Variants in MAP2K6 observed in about 807,000 individuals in gnomAD.
The protein encoded by MAP2K6 is dual specificity mitogen-activated protein kinase kinase 6.
Under a neutral mutation model 53.7 loss-of-function variants are expected in MAP2K6, and 16 were observed. That is an observed-to-expected ratio of 0.30 (90% CI 0.20 to 0.45). The LOEUF (loss-of-function observed/expected upper bound fraction) is 0.45, where lower values mean the gene tolerates loss of function less well. Among genes scored for constraint, MAP2K6 ranks in the 20% least tolerant of loss-of-function variants. MAP2K6 has a pLI of 1.00. For missense variants in MAP2K6, 204 were observed against 411.9 expected, an observed-to-expected ratio of 0.50 and a Z score of 4.37; for synonymous variants, 132 against 143.1, an observed-to-expected ratio of 0.92 and a Z score of 0.55.
At chr17:69,426,201 T>C (rs1906271947) in intron 1 of MAP2K6, among the ~76,000 whole-genome samples, 1 of 152,248 alleles carries the variant, frequency 6.6e-6, no homozygotes, top group Non-Finnish European at 1.5e-5. Context: ...TGATCTATTG[T>C]TATGTTTAAG....
chr17:69,456,821 C>G (rs1907424432), intron 1 of MAP2K6, among the ~76,000 whole-genome samples: 1 of 152,160 alleles, frequency 6.6e-6, no homozygotes, highest in African/African-American at 2.4e-5. Context: ...CATCACTCTA[C>G]AAATCCCTGC....
At chr17:69,417,130 A>G (rs957694256) in intron 1 of MAP2K6, among the ~76,000 whole-genome samples, 3 of 152,212 alleles carry the variant, frequency 2.0e-5, no homozygotes, top group African/African-American at 7.2e-5. Context: ...AATTATTGGT[A>G]GAAAGAAGTG....
At chr17:69,457,934 C>T (rs556864021) in intron 1 of MAP2K6, among the ~76,000 whole-genome samples, 1 of 152,360 alleles carries the variant, frequency 6.6e-6, no homozygotes, top group African/African-American at 2.4e-5. Flanking sequence ...GGAAGCACTG[C>T]TCTAGGCTGG....
chr17:69,551,015 A>G lies in MAP2K6; in HGVS notation c.*9262A>G, dbSNP rs1490853095. 1 of 152,160 alleles carries G rather than the reference A, an allele frequency of 6.6e-6. No individual in the cohort carries two copies. The highest frequency in any genetic ancestry group is 6.6e-5 in the Admixed American group (1 of 15,266). 9.4% of individuals were successfully genotyped at this position (152,160 alleles called of 1,614,324 possible). ...ATAAATCATTTTGAAAGAAAAATGC[A>G]AGGAATTGTTGTATGACAGCCATGC... On this transcript the variant is annotated 3_prime_UTR_variant, in exon 12 of 12. Coordinates refer to ENST00000590474, the MANE Select transcript of MAP2K6 (RefSeq NM_002758.4).
chr17:69,539,889 A>C (rs1341787920), intron 11 of MAP2K6, among the ~76,000 whole-genome samples: 1 of 152,204 alleles, frequency 6.6e-6, no homozygotes, highest in Non-Finnish European at 1.5e-5. Flanking sequence ...GTGGTGACTA[A>C]TCAGAAGTAT....
chr17:69,426,184 AC>A (rs1906271461), intron 1 of MAP2K6, among the ~76,000 whole-genome samples: 1 of 152,170 alleles, frequency 6.6e-6, no homozygotes, highest in Non-Finnish European at 1.5e-5. Flanking sequence ...CTCAAATAAT[AC>A]ATTTTTGATC....
intron 1 of MAP2K6, among the ~76,000 whole-genome samples, chr17:69,489,241 GA>G (rs1245165914): frequency 6.7e-6 from 1 of 148,376 alleles, no homozygotes; most frequent in Non-Finnish European, 1.5e-5. Flanking sequence ...AAAAAAAAAG[GA>G]AAAAAGGAAA....
At chr17:69,508,203 C>T (rs1909628694) in intron 2 of MAP2K6, among the ~76,000 whole-genome samples, 1 of 151,308 alleles carries the variant, frequency 6.6e-6, no homozygotes, top group Admixed American at 6.6e-5. Flanking sequence ...AGGCGCCTGC[C>T]ACCATGCCCA....
At chr17:69,489,784 T>C (rs745325461) in intron 1 of MAP2K6, among the ~76,000 whole-genome samples, 6 of 152,234 alleles carry the variant, frequency 3.9e-5, no homozygotes, top group Non-Finnish European at 2.9e-5. Flanking sequence ...GCAATTTCTT[T>C]GTCTTTGCTT....
chr17:69,450,539 C>G (rs1439781774), intron 1 of MAP2K6, among the ~76,000 whole-genome samples: 2 of 152,180 alleles, frequency 1.3e-5, no homozygotes, highest in African/African-American at 4.8e-5. Flanking sequence ...AGGTCATGCC[C>G]TGTCCCAGCC....
chr17:69,421,683 T>C (rs1328021607), intron 1 of MAP2K6, among the ~76,000 whole-genome samples: 1 of 151,800 alleles, frequency 6.6e-6, no homozygotes, highest in Non-Finnish European at 1.5e-5. Flanking sequence ...GGATTACAGG[T>C]GCCTGCCGCC....
chr17:69,472,730 A>G (rs1048222824), intron 1 of MAP2K6, among the ~76,000 whole-genome samples: 1 of 151,722 alleles, frequency 6.6e-6, no homozygotes, highest in Non-Finnish European at 1.5e-5. Context: ...ATGGAGTCTC[A>G]CTCTATTGCT....
Position 69,543,622 on chromosome 17 carries a change from T to C in MAP2K6, c.*1869T>C, listed in dbSNP as rs1911755434. The C allele has an allele frequency of 6.6e-6, 1 of 152,142 alleles. No individual in the cohort carries two copies. Among genetic ancestry groups the C allele is most frequent in the Non-Finnish European group, 1.5e-5 (1 of 68,020 alleles). 9.4% of individuals were successfully genotyped at this position (152,142 alleles called of 1,614,324 possible). A position where few individuals can be genotyped will look rare whatever the true frequency, so the allele number is the denominator to read the frequency against. ...CTTCTCTTGGAGATCAAGAGAAAAA[T>C]TACAATTGTATTCCTTACTTTATTC... is the stretch of plus-strand genomic sequence containing the variant. On this transcript the variant is annotated 3_prime_UTR_variant, in exon 12 of 12. Transcript: ENST00000590474.
chr17:69,534,856 G>A (rs1911275491), intron 10 of MAP2K6, among the ~76,000 whole-genome samples: 1 of 152,044 alleles, frequency 6.6e-6, no homozygotes, highest in South Asian at 2.1e-4. Flanking sequence ...TGGTCCGTTG[G>A]GCACAGGAGT....
intron 1 of MAP2K6, among the ~76,000 whole-genome samples, chr17:69,496,081 C>T (rs565321417): frequency 0.032 from 4,639 of 144,970 alleles, 247 homozygotes; most frequent in African/African-American, 0.11. Flanking sequence ...TCTACTAGGA[C>T]TTTTTTTTTT....
intron 1 of MAP2K6, among the ~76,000 whole-genome samples, chr17:69,475,350 A>G (rs1908114939): frequency 1.3e-5 from 2 of 151,740 alleles, no homozygotes. Flanking sequence ...TTGTATTTTT[A>G]GTAGAAACGG....
intron 10 of MAP2K6, 124 bp from the exon 11 acceptor site, chr17:69,535,991 G>A: frequency 1.5e-6 from 1 of 661,214 alleles, no homozygotes; most frequent in Non-Finnish European, 2.7e-6. Context: ...GTCAAGATAG[G>A]AGGCTGTGTT....
intron 10 of MAP2K6, among the ~76,000 whole-genome samples, chr17:69,532,264 G>A (rs1016862311): frequency 6.6e-6 from 1 of 152,178 alleles, no homozygotes; most frequent in Non-Finnish European, 1.5e-5. Context: ...GCCTTGAAAC[G>A]CGCAATGTGT....
At position 69,541,793 on chromosome 17, in the gene MAP2K6, G is replaced by A. The variant is rs1031043984; in HGVS notation, c.*40G>A. The A allele has an allele frequency of 8.5e-6, 13 of 1,530,340 alleles. No individual in the cohort carries two copies. Among genetic ancestry groups the A allele is most frequent in the African/African-American group, 1.4e-5 (1 of 73,110 alleles). The allele number at this position is 1,530,340 out of a possible 1,614,324, so 94.8% of individuals were successfully genotyped here. ...AATCGGTTGACCCTACTGTGGATTG[G>A]TGGGTTTCGGGGTGAAGCAAGTTCA... On this transcript the variant is annotated 3_prime_UTR_variant, in exon 12 of 12. Transcript: ENST00000590474.
Sources: allele counts gnomAD v4.1 joint callset (sites outside exome capture counted in the v4.1 genomes callset), GRCh38; gene constraint gnomAD v4.1.1; transcripts MANE v1.5; gene names NCBI Gene and HGNC (gene_info 2026-07-23, HGNC 2026-07-21).